The following PIR variants were observed in gnomAD, a reference collection of about 807,000 sequenced individuals.
PIR encodes pirin.
A neutral mutation model predicts 24.2 loss-of-function variants in PIR; 22 were observed. That is an observed-to-expected ratio of 0.91 (90% CI 0.65 to 1.30). The LOEUF is 1.30. Ranked by LOEUF, PIR falls within the 50% of genes most tolerant of loss-of-function variation. The pLI is 0.00. For synonymous variants in PIR, 80 were observed against 79.6 expected, an observed-to-expected ratio of 1.00 and a Z score of -0.03; for missense variants, 220 against 220.3, an observed-to-expected ratio of 1.00 and a Z score of 0.01.
intron 6 of PIR, among the ~76,000 whole-genome samples, chrX:15,410,110 G>T (rs757470702): frequency 8.2e-5 from 9 of 110,308 alleles, no homozygotes; most frequent in African/African-American, 3.0e-4. Flanking sequence ...AATTAGCCAG[G>T]CGTGGTGGCA....
At chrX:15,464,237 G>A (rs1921443019) in intron 3 of PIR, 1 of 124,085 alleles carries the variant, frequency 8.1e-6, no homozygotes, top group Admixed American at 9.4e-5. Flanking sequence ...TATGCATGGA[G>A]GTGCCCGGAT....
At chrX:15,396,791 A>C (rs1268599573) in intron 8 of PIR, among the ~76,000 whole-genome samples, 1 of 105,809 alleles carries the variant, frequency 9.5e-6, no homozygotes, top group Non-Finnish European at 1.9e-5. Flanking sequence ...GCCCAGCTGG[A>C]GTGCAGTGGC....
intron 6 of PIR, among the ~76,000 whole-genome samples, chrX:15,417,453 T>C (rs1924963158): frequency 8.9e-6 from 1 of 112,554 alleles, no homozygotes; most frequent in Non-Finnish European, 1.9e-5. Flanking sequence ...TAAAATCTAC[T>C]TTTTAATCAA....
chrX:15,486,191 T>C (rs1185896971), intron 2 of PIR, among the ~76,000 whole-genome samples: 1 of 105,475 alleles, frequency 9.5e-6, no homozygotes, highest in African/African-American at 3.5e-5. Context: ...CTGTCTCTAC[T>C]AAAAATACAA....
rs770992195 is a variant in PIR at position 15,385,056 on chromosome X, G to T, written c.821C>A (p.Ala274Glu). The part of the protein sequence containing the change: ...ISQAILDFRN[A>E]KNGFERAKTW... ...TTTGGCCCTTTCAAACCCATTTTTT[G>T]CGTTTCTGAAATCAAGAATAGCTTG... The change falls in exon 10 of 10, where the codon GCA becomes GAA. Residue 274 changes from alanine to glutamate, a missense_variant. Transcript: ENST00000380420. 1.7e-6 allele frequency: 2 copies of T among 1,196,608 alleles called. No homozygotes were observed. The highest frequency in any genetic ancestry group is 3.5e-5 in the African/African-American group (2 of 56,811).
At chrX:15,472,750 T>C (rs4830955) in intron 3 of PIR, among the ~76,000 whole-genome samples, 51,461 of 111,100 alleles carry the variant, frequency 0.46, 8,605 homozygotes, top group African/African-American at 0.53. Flanking sequence ...GATGGTTGTG[T>C]AATCCTATAA....
At chrX:15,484,314 T>C (rs1280514294) in intron 2 of PIR, among the ~76,000 whole-genome samples, 4 of 82,443 alleles carry the variant, frequency 4.9e-5, no homozygotes, top group African/African-American at 1.1e-4. Flanking sequence ...TTCTTTTTTT[T>C]TTTTTTTTTT....
intron 5 of PIR, among the ~76,000 whole-genome samples, chrX:15,437,387 T>C (rs1171232741): frequency 1.8e-5 from 2 of 111,964 alleles, no homozygotes; most frequent in Non-Finnish European, 3.8e-5. Context: ...CCCTAAGAAC[T>C]TTGTTCATAT....
At chrX:15,476,405 C>A (rs1196643905) in intron 3 of PIR, among the ~76,000 whole-genome samples, 1 of 111,757 alleles carries the variant, frequency 8.9e-6, no homozygotes, top group Non-Finnish European at 1.9e-5. Context: ...AAGTATGTGA[C>A]CATTCAGTAC....
At chrX:15,410,291 G>C (rs761417296) in intron 6 of PIR, among the ~76,000 whole-genome samples, 2 of 107,262 alleles carry the variant, frequency 1.9e-5, no homozygotes, top group South Asian at 7.5e-4. Context: ...AAAAAAACTA[G>C]AACTAACTCA....
intron 6 of PIR, among the ~76,000 whole-genome samples, chrX:15,416,198 T>C (rs915886837): frequency 2.7e-5 from 3 of 111,992 alleles, no homozygotes; most frequent in Non-Finnish European, 5.6e-5. Context: ...CTGTTATGTA[T>C]ATATTCTAAG....
intron 2 of PIR, among the ~76,000 whole-genome samples, chrX:15,488,139 G>A (rs201199001): frequency 4.6e-5 from 5 of 109,266 alleles, no homozygotes; most frequent in African/African-American, 6.7e-5. Context: ...TTAGCCAGGC[G>A]TGGTGGCGCA....
At chrX:15,486,654 T>C (rs1462944031) in intron 2 of PIR, among the ~76,000 whole-genome samples, 2 of 111,376 alleles carry the variant, frequency 1.8e-5, no homozygotes, top group Non-Finnish European at 3.8e-5. Context: ...GGACACAAGA[T>C]GAGTATCATT....
At chrX:15,492,159 T>A (rs12852159) in intron 1 of PIR, among the ~76,000 whole-genome samples, 1 of 108,910 alleles carries the variant, frequency 9.2e-6, no homozygotes, top group Non-Finnish European at 1.9e-5. Flanking sequence ...AACAAAGAGG[T>A]CCCTAACTCT....
At position 15,486,298 on chromosome X, in the gene PIR, C is replaced by CAAA. The variant is rs59774013; in HGVS notation, c.96+4861_96+4863dup. On this transcript the variant is annotated intron_variant, in intron 2 of 9. Transcript: ENST00000380420. The stretch of plus-strand genomic sequence containing the variant: ...AGGGAGACAGAGTGAGACTCTGTCT[C>CAAA]AAAAAAAAAAAAAGAAGGTCAATCA... Among the ~76,000 whole-genome samples the CAAA allele has an allele frequency of 1.0e-4, 4 of 39,682 alleles. 1 individual carries two copies. The East Asian group carries it at 9.0e-3, about 89-fold the overall frequency. The allele number at this position is 39,682 out of a possible 115,157, so 34.5% of individuals were successfully genotyped here. A position where few individuals can be genotyped will look rare whatever the true frequency, so the allele number is the denominator to read the frequency against.
chrX:15,419,127 A>G (rs967304045), intron 6 of PIR, among the ~76,000 whole-genome samples: 13 of 111,658 alleles, frequency 1.2e-4, no homozygotes, highest in African/African-American at 4.2e-4. Context: ...AGGTGGAAAA[A>G]AAAAAAAGAC....
intron 2 of PIR, among the ~76,000 whole-genome samples, chrX:15,483,580 A>G (rs1222943763): frequency 8.9e-6 from 1 of 111,978 alleles, no homozygotes; most frequent in Non-Finnish European, 1.9e-5. Flanking sequence ...AGTGAAAATC[A>G]ACCAAGCAAA....
chrX:15,397,009 C>G (rs146565466), intron 8 of PIR, among the ~76,000 whole-genome samples: 47 of 112,139 alleles, frequency 4.2e-4, no homozygotes, highest in East Asian at 3.1e-3. Context: ...CAAAGTGCTG[C>G]GATTACAGGC....
At chrX:15,491,643 G>C (rs933118069) in intron 1 of PIR, among the ~76,000 whole-genome samples, 2 of 112,075 alleles carry the variant, frequency 1.8e-5, no homozygotes, top group African/African-American at 6.5e-5. Context: ...TATATGGACT[G>C]TATGTATGAC....
Sources: gnomAD v4.1 joint callset for allele counts (sites outside exome capture counted in the v4.1 genomes callset) on GRCh38, gnomAD v4.1.1 for gene constraint, MANE v1.5 for transcripts, NCBI Gene and HGNC (gene_info 2026-07-23, HGNC 2026-07-21) for gene names.